Variants in STT3B observed in about 807,000 individuals in gnomAD.
STT3B encodes dolichyl-diphosphooligosaccharide--protein glycosyltransferase subunit STT3B.
Under a neutral mutation model 96.8 loss-of-function variants are expected in STT3B, and 29 were observed. That is an observed-to-expected ratio of 0.30 (90% confidence interval 0.22 to 0.41). STT3B has a LOEUF of 0.41. Ranked by LOEUF, STT3B falls within the 10% of genes least tolerant of loss-of-function variation. The pLI is 1.00. For synonymous variants in STT3B, 367 were observed against 360.0 expected (o/e 1.02, Z -0.22); for missense variants, 640 against 1,022.3 (o/e 0.63, Z 5.10).
chr3:31,585,360 A>G (rs1411093029), intron 3 of STT3B, among the ~76,000 whole-genome samples: 2 of 152,122 alleles, frequency 1.3e-5, no homozygotes, highest in Admixed American at 1.3e-4. Flanking sequence ...CAACTATAAT[A>G]TGGAAGTAAT....
chr3:31,617,711 A>T (rs186475591), intron 7 of STT3B, among the ~76,000 whole-genome samples: 1 of 151,956 alleles, frequency 6.6e-6, no homozygotes, highest in African/African-American at 2.4e-5. Flanking sequence ...CTTTATCTCA[A>T]ATGTGTTTCT....
At chr3:31,625,156 T>C in intron 12 of STT3B, 71 bp downstream of exon 12, 1 of 1,376,590 alleles carries the variant, frequency 7.3e-7, no homozygotes, top group Non-Finnish European at 9.9e-7. Context: ...CACTTGTGAC[T>C]AAATAGGAAA....
intron 12 of STT3B, among the ~76,000 whole-genome samples, chr3:31,625,460 C>G (rs1416327451): frequency 6.6e-6 from 1 of 152,188 alleles, no homozygotes; most frequent in African/African-American, 2.4e-5. Context: ...GTTCCTCTAG[C>G]TATTAAACAA....
At chr3:31,610,420 A>G (rs1699157227) in intron 5 of STT3B, among the ~76,000 whole-genome samples, 1 of 152,220 alleles carries the variant, frequency 6.6e-6, no homozygotes, top group South Asian at 2.1e-4. Flanking sequence ...TTCTAACTTT[A>G]TTTACATAAA....
chr3:31,609,966 A>G (rs1381864471), intron 5 of STT3B, among the ~76,000 whole-genome samples: 2 of 152,226 alleles, frequency 1.3e-5, no homozygotes, highest in East Asian at 1.9e-4. Flanking sequence ...TTTGTAAAAT[A>G]TAAGTTTCAG....
intron 3 of STT3B, among the ~76,000 whole-genome samples, chr3:31,595,130 C>T (rs541886375): frequency 6.6e-6 from 1 of 152,314 alleles, no homozygotes; most frequent in African/African-American, 2.4e-5. Context: ...TTCTTGGCCT[C>T]TCTGTGCAGC....
chr3:31,592,494 T>C (rs1400192465), intron 3 of STT3B, among the ~76,000 whole-genome samples: 3 of 152,222 alleles, frequency 2.0e-5, no homozygotes, highest in African/African-American at 7.2e-5. Context: ...TATTTTTAAA[T>C]TTTGGGGAAA....
At chr3:31,587,919 G>A (rs1362724770) in intron 3 of STT3B, among the ~76,000 whole-genome samples, 4 of 152,112 alleles carry the variant, frequency 2.6e-5, no homozygotes, top group Non-Finnish European at 5.9e-5. Context: ...ACTTGGTAGG[G>A]CTTATGAAAA....
At chr3:31,613,592 G>A (rs1023848553) in intron 5 of STT3B, among the ~76,000 whole-genome samples, 1 of 151,972 alleles carries the variant, frequency 6.6e-6, no homozygotes, top group African/African-American at 2.4e-5. Context: ...AGCTTTTGCT[G>A]TTAAGTAGTT....
At chr3:31,613,510 A>G (rs1456134626) in intron 5 of STT3B, among the ~76,000 whole-genome samples, 2 of 152,054 alleles carry the variant, frequency 1.3e-5, no homozygotes, top group Non-Finnish European at 2.9e-5. Flanking sequence ...TTGATCATAG[A>G]ATCTTAGTTT....
chr3:31,558,635 T>C (rs765768241), intron 1 of STT3B, among the ~76,000 whole-genome samples: 10 of 152,210 alleles, frequency 6.6e-5, no homozygotes, highest in Non-Finnish European at 1.2e-4. Flanking sequence ...TTTTAGCCAG[T>C]TGTAGTATCC....
At chr3:31,601,457 C>T (rs1698926305) in intron 5 of STT3B, among the ~76,000 whole-genome samples, 1 of 152,164 alleles carries the variant, frequency 6.6e-6, no homozygotes, top group Non-Finnish European at 1.5e-5. Flanking sequence ...TAAAAGGCCA[C>T]ATAGTATATG....
chr3:31,584,067 T>G (rs1023819060), intron 3 of STT3B, among the ~76,000 whole-genome samples: 5 of 152,312 alleles, frequency 3.3e-5, no homozygotes, highest in African/African-American at 9.6e-5. Context: ...TCCACTTAGG[T>G]CTTTGATCCA....
At chr3:31,599,105 A>G (rs13095077) in intron 4 of STT3B, among the ~76,000 whole-genome samples, 107,359 of 152,112 alleles carry the variant, frequency 0.71, 38,313 homozygotes, top group Non-Finnish European at 0.76. Flanking sequence ...CAATGTGCCC[A>G]GCCACCTACA....
intron 3 of STT3B, among the ~76,000 whole-genome samples, chr3:31,591,655 C>G (rs543089536): frequency 2.0e-5 from 3 of 152,068 alleles, no homozygotes; most frequent in East Asian, 3.9e-4. Context: ...TTTTTTCTCT[C>G]CTCTCCTCTG....
chr3:31,550,446 CAGAG>C (rs543518016), intron 1 of STT3B, among the ~76,000 whole-genome samples: 2 of 152,116 alleles, frequency 1.3e-5, no homozygotes, highest in Non-Finnish European at 2.9e-5. Context: ...GTTGCAAGAG[CAGAG>C]AGAGAGGTTT....
intron 2 of STT3B, among the ~76,000 whole-genome samples, chr3:31,577,554 T>A (rs930436395): frequency 6.6e-6 from 1 of 152,172 alleles, no homozygotes; most frequent in African/African-American, 2.4e-5. Context: ...GTAATTTCAA[T>A]CCTTTAAAAT....
intron 15 of STT3B, among the ~76,000 whole-genome samples, chr3:31,633,392 G>A (rs1215825348): frequency 3.3e-5 from 5 of 152,172 alleles, no homozygotes; most frequent in East Asian, 1.9e-4. Flanking sequence ...ATTGCCATTA[G>A]TAAGACTTAC....
At chr3:31,554,845 T>G (rs980440505) in intron 1 of STT3B, among the ~76,000 whole-genome samples, 3 of 152,160 alleles carry the variant, frequency 2.0e-5, no homozygotes, top group Non-Finnish European at 2.9e-5. Context: ...TTGCCAACTT[T>G]AAGAAACATA....
Sources: allele counts gnomAD v4.1 joint callset (sites outside exome capture counted in the v4.1 genomes callset), GRCh38; gene constraint gnomAD v4.1.1; transcripts MANE v1.5; gene names NCBI Gene and HGNC (gene_info 2026-07-23, HGNC 2026-07-21).